RBFOX1: variants seen among roughly 807,000 people sequenced by gnomAD.
The protein encoded by RBFOX1 is RNA binding protein fox-1 homolog 1.
In RBFOX1, 8 loss-of-function variants were observed where a neutral mutation model predicts 57.7. The ratio of observed to expected loss-of-function variants is 0.14; its 90% confidence interval spans 0.08 to 0.25. The LOEUF (loss-of-function observed/expected upper bound fraction) is 0.25. RBFOX1 is among the 10% of genes least tolerant of loss of function. The probability of loss-of-function intolerance (pLI) is 1.00; values close to 1 mark genes in which losing one functional copy is unlikely to be tolerated. For synonymous variants in RBFOX1, 326 were observed against 222.4 expected, an observed-to-expected ratio of 1.47 and a Z score of -4.15; for missense variants, 611 against 548.5, an observed-to-expected ratio of 1.11 and a Z score of -1.14.
At chr16:6,824,031 C>T (rs575440454) in intron 3 of RBFOX1, among the ~76,000 whole-genome samples, 2 of 152,140 alleles carry the variant, frequency 1.3e-5, no homozygotes, top group African/African-American at 2.4e-5. Flanking sequence ...GTAGAGTTCT[C>T]CATTATCTGG....
Position 7,211,761 on chromosome 16 carries a change from G to A in RBFOX1, c.27+159663G>A, listed in dbSNP as rs952722247. On this transcript the variant is annotated intron_variant, in intron 4 of 15. Transcript: ENST00000550418. Reference sequence around the variant, plus strand: ...GCATTCGCCTGAACTAGGAGGACTCGGGGGGATTCAAGCCCCCTGTCTCTA... The same window carrying A: ...GCATTCGCCTGAACTAGGAGGACTCAGGGGGATTCAAGCCCCCTGTCTCTA... 8.5e-5 allele frequency among the ~76,000 whole-genome samples: 13 copies of A among 152,106 alleles called. No homozygotes were observed. The East Asian group carries it at 1.2e-3, about 14-fold the overall frequency.
At chr16:7,132,604 C>A (rs1184144190) in intron 4 of RBFOX1, among the ~76,000 whole-genome samples, 1 of 146,330 alleles carries the variant, frequency 6.8e-6, no homozygotes, top group Non-Finnish European at 1.5e-5. Flanking sequence ...ATTTGTAAAG[C>A]TGAAAAAAAA....
At chr16:5,582,715 C>T (rs550338733) in intron 2 of RBFOX1, among the ~76,000 whole-genome samples, 3 of 152,194 alleles carry the variant, frequency 2.0e-5, no homozygotes, top group South Asian at 4.2e-4. Flanking sequence ...CACACCCACG[C>T]TCGGCTAATC....
chr16:6,278,374 CACCAAAA>C (rs2152691951), intron 1 of RBFOX1, among the ~76,000 whole-genome samples: 1 of 49,910 alleles, frequency 2.0e-5, no homozygotes, highest in Non-Finnish European at 3.1e-5. Context: ...TTGTAGGACT[CACCAAAA>C]AAAAAAAAAA....
At chr16:5,304,864 G>A (rs1362485650) in intron 1 of RBFOX1, among the ~76,000 whole-genome samples, 1 of 152,034 alleles carries the variant, frequency 6.6e-6, no homozygotes, top group Non-Finnish European at 1.5e-5. Context: ...ATAGAGAAAT[G>A]TTTTCATTTG....
At chr16:7,498,164 G>A (rs555458186) in intron 4 of RBFOX1, among the ~76,000 whole-genome samples, 56 of 152,284 alleles carry the variant, frequency 3.7e-4, no homozygotes, top group South Asian at 2.7e-3. Context: ...CAAAGGTGGC[G>A]TGTGGGGTGG....
chr16:7,304,342 A>G lies in RBFOX1; in HGVS notation c.28-213805A>G, dbSNP rs570098395. Reference sequence around the variant, plus strand: ...CCCAGGCAGAGAGCAACGTGATTGCATTCAAGCGTCCCCACTCGGGCTCGG... The same window carrying G: ...CCCAGGCAGAGAGCAACGTGATTGCGTTCAAGCGTCCCCACTCGGGCTCGG... On this transcript the variant is annotated intron_variant, in intron 4 of 15. Coordinates refer to ENST00000550418, the MANE Select transcript of RBFOX1 (RefSeq NM_018723.4). 1.3e-4 allele frequency: 131 copies of G among 985,324 alleles called. No homozygotes were observed. In the African/African-American group the frequency reaches 2.0e-3, roughly 15 times the overall value. 61.0% of individuals were successfully genotyped at this position (985,324 alleles called of 1,614,324 possible).
intron 3 of RBFOX1, among the ~76,000 whole-genome samples, chr16:5,841,221 T>G (rs2056614945): frequency 6.6e-6 from 1 of 152,160 alleles, no homozygotes; most frequent in South Asian, 2.1e-4. Context: ...GTGTCATGGA[T>G]GAAGAAACGG....
intron 4 of RBFOX1, among the ~76,000 whole-genome samples, chr16:7,321,071 C>CTATACG (rs1254669423): frequency 5.5e-5 from 4 of 72,846 alleles, no homozygotes; most frequent in Non-Finnish European, 1.1e-4. Flanking sequence ...ATCTGTCTAT[C>CTATACG]TATACGTATA....
chr16:5,807,726 C>A (rs1464513791), intron 3 of RBFOX1, among the ~76,000 whole-genome samples: 1 of 152,148 alleles, frequency 6.6e-6, no homozygotes, highest in East Asian at 1.9e-4. Context: ...GCATCACAAA[C>A]TTTAACAGAC....
intron 1 of RBFOX1, among the ~76,000 whole-genome samples, chr16:6,161,994 T>C (rs2096882989): frequency 1.3e-5 from 2 of 152,194 alleles, no homozygotes; most frequent in Admixed American, 1.3e-4. Flanking sequence ...TTTTTGAAAG[T>C]TGGACTTTTT....
intron 1 of RBFOX1, among the ~76,000 whole-genome samples, chr16:6,259,819 G>C (rs113217154): frequency 3.0e-4 from 45 of 152,056 alleles, no homozygotes; most frequent in African/African-American, 1.1e-3. Context: ...AAAGTAGCCA[G>C]GCCTGGTGGT....
intron 2 of RBFOX1, among the ~76,000 whole-genome samples, chr16:5,584,748 G>A (rs2046779172): frequency 6.6e-6 from 1 of 152,148 alleles, no homozygotes; most frequent in South Asian, 2.1e-4. Context: ...ACCGGGGACT[G>A]TAGTTCTGTT....
At chr16:7,141,082 TG>T (rs1374026266) in intron 4 of RBFOX1, among the ~76,000 whole-genome samples, 1 of 152,088 alleles carries the variant, frequency 6.6e-6, no homozygotes, top group Non-Finnish European at 1.5e-5. Flanking sequence ...GACGATGAGC[TG>T]GGGTGGTTTC....
At chr16:7,361,542 G>T (rs1388139371) in intron 4 of RBFOX1, among the ~76,000 whole-genome samples, 1 of 152,182 alleles carries the variant, frequency 6.6e-6, no homozygotes, top group Non-Finnish European at 1.5e-5. Flanking sequence ...GTCCGAAGGT[G>T]GCAGGTGGCT....
chr16:5,446,365 C>T (rs770853565), intron 1 of RBFOX1, among the ~76,000 whole-genome samples: 2 of 152,112 alleles, frequency 1.3e-5, no homozygotes, highest in Non-Finnish European at 2.9e-5. Flanking sequence ...TAGACAAATC[C>T]AGGAAAGTTA....
At chr16:6,069,946 C>T (rs1421449571) in intron 1 of RBFOX1, among the ~76,000 whole-genome samples, 1 of 152,088 alleles carries the variant, frequency 6.6e-6, no homozygotes, top group African/African-American at 2.4e-5. Flanking sequence ...GAGATCCAAC[C>T]GCTGCACTCC....
intron 2 of RBFOX1, among the ~76,000 whole-genome samples, chr16:6,535,154 T>G (rs1044090391): frequency 2.0e-5 from 3 of 152,170 alleles, no homozygotes; most frequent in African/African-American, 7.2e-5. Context: ...GTGTGCTGGT[T>G]TGTCTGGGAC....
rs114378673 is a variant in RBFOX1 at position 5,564,808 on chromosome 16, G to A, written c.259-34094G>A. 4.0e-3 allele frequency among the ~76,000 whole-genome samples: 609 copies of A among 152,212 alleles called. 3 individuals are homozygous for A. Among genetic ancestry groups the A allele is most frequent in the African/African-American group, 0.013 (553 of 41,548 alleles). On this transcript the variant is annotated intron_variant, in intron 2 of 2. Coordinates refer to the RBFOX1 transcript ENST00000585867. The stretch of plus-strand genomic sequence containing the variant: ...CCTAGAAGAACAACCCAGTTTTCAC[G>A]GTTCTCCAGCACTTCTCTGGTGGAT...
Sources: gnomAD v4.1 joint callset for allele counts (sites outside exome capture counted in the v4.1 genomes callset) on GRCh38, gnomAD v4.1.1 for gene constraint, MANE v1.5 for transcripts, NCBI Gene and HGNC (gene_info 2026-07-23, HGNC 2026-07-21) for gene names.